The following DLGAP2 variants were observed in gnomAD, a reference collection of about 807,000 sequenced individuals.
The protein encoded by DLGAP2 is DLG associated protein 2, also known as disks large-associated protein 2.
DLGAP2 carries 26 observed loss-of-function variants against 100.3 expected under a neutral mutation model. The ratio of observed to expected loss-of-function variants is 0.26; its 90% CI spans 0.19 to 0.36. The LOEUF (loss-of-function observed/expected upper bound fraction) is 0.36, where lower values mean the gene tolerates loss of function less well. Ranked by LOEUF, DLGAP2 falls within the 10% of genes least tolerant of loss-of-function variation. The probability of loss-of-function intolerance (pLI) is 1.00; values close to 1 mark genes in which losing one functional copy is unlikely to be tolerated. For missense variants in DLGAP2, 1,858 were observed against 1,453.2 expected (o/e 1.28, Z -4.53); for synonymous variants, 886 against 630.1 (o/e 1.41, Z -6.08).
intron 12 of DLGAP2, among the ~76,000 whole-genome samples, chr8:1,689,609 G>A (rs990837643): frequency 4.0e-5 from 6 of 151,624 alleles, no homozygotes; most frequent in African/African-American, 1.5e-4. Flanking sequence ...GTAGGTTAGT[G>A]ATTTGTGCTC....
intron 3 of DLGAP2, among the ~76,000 whole-genome samples, chr8:1,433,853 C>A (rs7816100): frequency 3.4e-5 from 5 of 144,950 alleles, no homozygotes; most frequent in African/African-American, 1.3e-4. Context: ...CTTATTTGTT[C>A]TAAATTTCTC....
intron 2 of DLGAP2, among the ~76,000 whole-genome samples, chr8:1,222,178 G>A (rs2116813914): frequency 6.6e-6 from 1 of 152,308 alleles, no homozygotes. Context: ...TACCAGAGTT[G>A]TTGTGCTGGT....
Position 1,678,342 on chromosome 8 carries a change from A to G in DLGAP2, c.2417A>G (p.His806Arg), listed in dbSNP as rs368370791. ...GLQFGSSFQR[H>R]SEPSTPTQYS... ...CAGTTCGGCTCATCCTTCCAGCGGCACTCCGAGCCCAGCACCCCCACCCAG... is the reference window on the plus strand; with the variant it reads ...CAGTTCGGCTCATCCTTCCAGCGGCGCTCCGAGCCCAGCACCCCCACCCAG... Residue 806 changes from histidine (H) to arginine (R), a missense_variant, in exon 12 of 15, where the codon CAC becomes CGC. Transcript: ENST00000637795. 2.1e-5 allele frequency: 34 copies of G among 1,613,746 alleles called. No homozygotes were observed. Among genetic ancestry groups the G allele is most frequent in the Non-Finnish European group, 2.9e-5 (34 of 1,179,882 alleles).
At chr8:1,637,546 G>A (rs1222874006) in intron 8 of DLGAP2, among the ~76,000 whole-genome samples, 1 of 151,970 alleles carries the variant, frequency 6.6e-6, no homozygotes, top group Admixed American at 6.6e-5. Context: ...ATGACCAGAG[G>A]AAATGAATGA....
At chr8:1,510,412 A>G (rs762286649) in intron 4 of DLGAP2, among the ~76,000 whole-genome samples, 1 of 152,186 alleles carries the variant, frequency 6.6e-6, no homozygotes, top group Non-Finnish European at 1.5e-5. Context: ...CATCCTCTGA[A>G]GAGCTGAGAA....
intron 1 of DLGAP2, among the ~76,000 whole-genome samples, chr8:745,321 C>T (rs1352843508): frequency 6.6e-6 from 1 of 152,076 alleles, no homozygotes; most frequent in Non-Finnish European, 1.5e-5. Flanking sequence ...TAGTTTCAAC[C>T]TTTTGTTGTG....
chr8:1,356,206 C>G (rs773546188), intron 3 of DLGAP2, among the ~76,000 whole-genome samples: 5 of 152,102 alleles, frequency 3.3e-5, no homozygotes, highest in Non-Finnish European at 5.9e-5. Context: ...GAGAGGCTCC[C>G]TTTGAAAGGT....
intron 3 of DLGAP2, among the ~76,000 whole-genome samples, chr8:1,385,037 G>A (rs1361082878): frequency 6.8e-5 from 6 of 87,700 alleles, no homozygotes; most frequent in South Asian, 6.0e-4. Context: ...TTGGTGCACA[G>A]TTACCCCGGC....
intron 3 of DLGAP2, among the ~76,000 whole-genome samples, chr8:1,324,543 T>G (rs964589167): frequency 6.6e-6 from 1 of 152,206 alleles, no homozygotes; most frequent in African/African-American, 2.4e-5. Context: ...GCTCAGGATG[T>G]AAAACTGTCC....
intron 2 of DLGAP2, chr8:1,003,377 C>T (rs1245192414): frequency 6.6e-6 from 1 of 152,238 alleles, no homozygotes; most frequent in East Asian, 1.9e-4. Context: ...TCGCATCACC[C>T]ATCAGTGTAA....
intron 4 of DLGAP2, among the ~76,000 whole-genome samples, chr8:1,504,837 A>G (rs1799851461): frequency 6.6e-6 from 1 of 152,208 alleles, no homozygotes; most frequent in East Asian, 1.9e-4. Flanking sequence ...AACGAACACG[A>G]GAGAGCAGAT....
intron 2 of DLGAP2, among the ~76,000 whole-genome samples, chr8:947,223 A>G (rs1308767432): frequency 6.6e-6 from 1 of 152,132 alleles, no homozygotes; most frequent in African/African-American, 2.4e-5. Context: ...CTGCATCTGC[A>G]GGGCTGCCCC....
intron 2 of DLGAP2, among the ~76,000 whole-genome samples, chr8:1,174,090 T>A (rs1269123120): frequency 6.6e-6 from 1 of 152,162 alleles, no homozygotes; most frequent in African/African-American, 2.4e-5. Context: ...ATGGGAGCAG[T>A]GTTAAACAGT....
intron 2 of DLGAP2, among the ~76,000 whole-genome samples, chr8:1,100,451 T>G (rs1054028162): frequency 2.0e-5 from 3 of 152,128 alleles, no homozygotes; most frequent in African/African-American, 7.2e-5. Flanking sequence ...AAAACCTTTG[T>G]CCAGCATGTC....
At chr8:1,670,449 C>A (rs757127796) in intron 10 of DLGAP2, among the ~76,000 whole-genome samples, 54 of 152,202 alleles carry the variant, frequency 3.5e-4, no homozygotes, top group Non-Finnish European at 6.9e-4. Flanking sequence ...CAGCCTGTGC[C>A]TTTACCCCTT....
intron 1 of DLGAP2, among the ~76,000 whole-genome samples, chr8:889,572 G>T (rs1797992488): frequency 6.6e-6 from 1 of 152,224 alleles, no homozygotes; most frequent in Non-Finnish European, 1.5e-5. Context: ...TCTGGACACA[G>T]ACGGCCACAG....
At chr8:831,804 T>C (rs564168390) in intron 1 of DLGAP2, among the ~76,000 whole-genome samples, 2 of 152,318 alleles carry the variant, frequency 1.3e-5, no homozygotes, top group African/African-American at 4.8e-5. Flanking sequence ...TCTTTCACAA[T>C]GGTTGAACTA....
chr8:1,201,931 G>T (rs902088175), intron 2 of DLGAP2, among the ~76,000 whole-genome samples: 1 of 150,844 alleles, frequency 6.6e-6, no homozygotes, highest in South Asian at 2.1e-4. Context: ...ATCTAGCTCT[G>T]TGTGTGATGT....
chr8:1,473,235 A>G (rs932263841), intron 3 of DLGAP2, among the ~76,000 whole-genome samples: 1 of 152,148 alleles, frequency 6.6e-6, no homozygotes, highest in Non-Finnish European at 1.5e-5. Flanking sequence ...CCAGCCCACA[A>G]ATGATTATAT....
Sources: allele counts gnomAD v4.1 joint callset (sites outside exome capture counted in the v4.1 genomes callset), GRCh38; gene constraint gnomAD v4.1.1; transcripts MANE v1.5; gene names NCBI Gene and HGNC (gene_info 2026-07-23, HGNC 2026-07-21).